Variants in DOT1L observed in about 807,000 individuals in gnomAD.
DOT1L encodes the protein DOT1 like histone lysine methyltransferase, also known as histone-lysine N-methyltransferase, H3 lysine-79 specific.
Under a neutral mutation model 153.3 loss-of-function variants are expected in DOT1L, and 33 were observed. The observed-to-expected ratio is 0.22, with a 90% CI of 0.16 to 0.29. DOT1L has a LOEUF of 0.29. Ranked by LOEUF, DOT1L falls within the 10% of genes least tolerant of loss-of-function variation. The pLI, the probability that DOT1L is intolerant of heterozygous loss-of-function variation, is 1.00. For missense variants in DOT1L, 1,847 were observed against 2,119.9 expected (o/e 0.87, Z 2.53); for synonymous variants, 1,135 against 965.1 (o/e 1.18, Z -3.26).
Position 2,220,220 on chromosome 19 carries a change from C to T in DOT1L, c.2804C>T (p.Ala935Val). 6.2e-7 allele frequency: 1 copy of T among 1,612,292 alleles called. No homozygotes were observed. Among genetic ancestry groups the T allele is most frequent in the Non-Finnish European group, 8.5e-7 (1 of 1,179,436 alleles). Residue 935 changes from alanine to valine, a missense_variant and splice_region_variant, in exon 23 of 28, where the codon GCA becomes GTA. By Grantham distance (64) the Ala-to-Val change is moderately conservative. Coordinates refer to ENST00000398665, the MANE Select transcript of DOT1L (RefSeq NM_032482.3). The surrounding 1 kb of genome is among the most constrained non-coding windows in gnomAD (Gnocchi z 4.5). ...AGSRSLALAP[A>V]GFSYAGSVAI... The stretch of plus-strand genomic sequence containing the variant: ...AGCAGAAGCCTTGCCCTGGCCCCCG[C>T]AGGTAACGCCCCTCCTGTGCCCTAC...
chr19:2,228,469 A>G (rs757018991), intron 27 of DOT1L: 1 of 1,210,022 alleles, frequency 8.3e-7, no homozygotes, highest in East Asian at 5.4e-5. Context: ...GGCTCGGCAG[A>G]AGTTCCGGGG....
rs556823846 is a variant in DOT1L at position 2,229,376 on chromosome 19, A to G, written c.4607-409A>G. ...GCCTTCCTGGGCGAGTCCAAAGCCC[A>G]CCGGGCAAGGAGAGGAGGACTGGGA... On this transcript the variant is annotated intron_variant, in intron 27 of 27. Transcript: ENST00000398665. 3.0e-6 allele frequency: 3 copies of G among 985,448 alleles called. No homozygotes were observed. In the East Asian group the frequency reaches 3.4e-4, roughly 112 times the overall value. 61.0% of individuals were successfully genotyped at this position (985,448 alleles called of 1,614,324 possible). A position where few individuals can be genotyped will look rare whatever the true frequency, so the allele number is the denominator to read the frequency against.
At chr19:2,201,485 T>C (rs1016356584) in intron 8 of DOT1L, among the ~76,000 whole-genome samples, 19 of 152,210 alleles carry the variant, frequency 1.2e-4, no homozygotes, top group Non-Finnish European at 1.6e-4. Flanking sequence ...GTGTCCCCCA[T>C]GGGCAGGGTT....
At position 2,231,335 on chromosome 19, in the gene DOT1L, G is replaced by C. The variant is rs936092475; in HGVS notation, c.*1543G>C. ...CAGGGAGCTGCCAGCCCTGTGTTCT[G>C]GTTCCCAAGGGCAGGATGGACACAC... On this transcript the variant is annotated 3_prime_UTR_variant, in exon 28 of 28. Coordinates refer to ENST00000398665, the MANE Select transcript of DOT1L (RefSeq NM_032482.3). 2 of 213,648 alleles carry C rather than the reference G, an allele frequency of 9.4e-6. No individual in the cohort carries two copies. The allele number at this position is 213,648 out of a possible 1,614,324, so 13.2% of individuals were successfully genotyped here. A position where few individuals can be genotyped will look rare whatever the true frequency, so the allele number is the denominator to read the frequency against.
rs998129478 is a variant in DOT1L at position 2,232,542 on chromosome 19, T to C, written c.*2750T>C. ...CACCCCTGCATTCTGCATCCCCACCTCTAGACGCTGTAATAAACAGACTGT... is the reference window on the plus strand; with the variant it reads ...CACCCCTGCATTCTGCATCCCCACCCCTAGACGCTGTAATAAACAGACTGT... On this transcript the variant is annotated 3_prime_UTR_variant, in exon 28 of 28. Coordinates refer to ENST00000398665, the MANE Select transcript of DOT1L (RefSeq NM_032482.3). 23 of 214,176 alleles carry C rather than the reference T, an allele frequency of 1.1e-4. No individual in the cohort carries two copies. The highest frequency in any genetic ancestry group is 4.3e-4 in the African/African-American group (19 of 44,146). The allele number at this position is 214,176 out of a possible 1,614,324, so 13.3% of individuals were successfully genotyped here.
intron 1 of DOT1L, among the ~76,000 whole-genome samples, chr19:2,168,689 A>C (rs1226388797): frequency 6.6e-6 from 1 of 151,446 alleles, no homozygotes; most frequent in African/African-American, 2.4e-5. Flanking sequence ...ATCTCGGTTC[A>C]CTGCAACATC....
intron 16 of DOT1L, 71 bp from the exon 17 acceptor site, chr19:2,213,468 G>C: frequency 6.8e-7 from 1 of 1,472,818 alleles, no homozygotes; most frequent in Non-Finnish European, 9.4e-7. Context: ...GAGAGGCAGG[G>C]CGTGGGCCCT....
chr19:2,215,742 A>G (rs1329772579), intron 19 of DOT1L: 3 of 152,432 alleles, frequency 2.0e-5, no homozygotes, highest in Non-Finnish European at 2.9e-5. Context: ...CCTCTTTACC[A>G]CAGCCGGGCC....
At chr19:2,228,589 C>T (rs2024469455) in intron 27 of DOT1L, 2 of 985,338 alleles carry the variant, frequency 2.0e-6, no homozygotes, top group Non-Finnish European at 2.4e-6. Context: ...TGTTGGGTTC[C>T]AGCTGCCCGC....
At position 2,226,811 on chromosome 19, in the gene DOT1L, G is replaced by A. The variant is rs987264843; in HGVS notation, c.4290G>A (p.Ala1430=). 7 of 1,579,046 alleles carry A rather than the reference G, an allele frequency of 4.4e-6. No homozygotes were observed. The highest frequency in any genetic ancestry group is 3.4e-6 in the Non-Finnish European group (4 of 1,170,358). The change falls in exon 27 of 28, where the codon GCG becomes GCA. Residue 1430 remains alanine (A), a synonymous_variant. Coordinates refer to ENST00000398665, the MANE Select transcript of DOT1L (RefSeq NM_032482.3). ...LKNGHNLFIS[A]AAVPPGSLLS... ...ATGGCCACAACCTCTTCATCTCTGC[G>A]GCGGCCGTGCCTCCCGGAAGCCTCC... is the stretch of plus-strand genomic sequence containing the variant.
At position 2,216,455 on chromosome 19, in the gene DOT1L, T is replaced by C. The variant is rs764433600; in HGVS notation, c.2098T>C (p.Ser700Pro). The C allele has an allele frequency of 1.2e-6, 2 of 1,612,684 alleles. No homozygotes were observed. The highest frequency in any genetic ancestry group is 2.2e-5 in the South Asian group (2 of 91,082). Residue 700 changes from serine (S) to proline (P), a missense_variant, in exon 20 of 28, where the codon TCG (serine) becomes CCG (proline). Physicochemically the swap from Ser to Pro is moderately conservative, Grantham distance 74. Coordinates refer to ENST00000398665, the MANE Select transcript of DOT1L (RefSeq NM_032482.3). Reference sequence around the variant, plus strand: ...CCTGGAGCTGGACTGCACCAAGTTCTCGCTGCCTCACTTGAGCAGCATGAG... The same window carrying C: ...CCTGGAGCTGGACTGCACCAAGTTCCCGCTGCCTCACTTGAGCAGCATGAG... ...LHLELDCTKF[S>P]LPHLSSMSPE... is the part of the protein sequence containing the mutation.
intron 27 of DOT1L, chr19:2,227,859 T>TCGGCCTCTTCCTTTCAGGCCC: frequency 1.6e-6 from 2 of 1,282,570 alleles, no homozygotes; most frequent in Non-Finnish European, 2.0e-6. Flanking sequence ...GGCCAGCGCC[T>TCGGCCTCTTCCTTTCAGGCCC]CGGCCTCTTC....
In DOT1L at chr19:2,191,322, A is replaced by G. The variant is rs780755488; in HGVS notation, c.493+82A>G. 2 of 1,428,198 alleles carry G rather than the reference A, an allele frequency of 1.4e-6. No homozygotes were observed. The highest frequency in any genetic ancestry group is 4.6e-5 in the East Asian group (2 of 43,786). The allele number at this position is 1,428,198 out of a possible 1,614,324, so 88.5% of individuals were successfully genotyped here. A position where few individuals can be genotyped will look rare whatever the true frequency, so the allele number is the denominator to read the frequency against. ...CCTGCCCCATGCCTGCTTGGAGAAG[A>G]GTTTATCAGGGACTTGCGACGTTGG... On this transcript the variant is annotated intron_variant, in intron 5 of 27. Transcript: ENST00000398665. This position sits in a 1 kb window ranked among gnomAD's most constrained non-coding sequence, Gnocchi z 6.8.
Position 2,191,342 on chromosome 19 carries a change from C to T in DOT1L, c.493+102C>T, listed in dbSNP as rs557460559. The T allele has an allele frequency of 7.3e-6, 9 of 1,225,578 alleles. No individual in the cohort carries two copies. The highest frequency in any genetic ancestry group is 1.5e-5 in the African/African-American group (1 of 67,408). The allele number at this position is 1,225,578 out of a possible 1,614,324, so 75.9% of individuals were successfully genotyped here. ...AGAAGAGTTTATCAGGGACTTGCGACGTTGGCGTGGACAGTGCTTCCTTCT... is the reference window on the plus strand; with the variant it reads ...AGAAGAGTTTATCAGGGACTTGCGATGTTGGCGTGGACAGTGCTTCCTTCT... On this transcript the variant is annotated intron_variant, in intron 5 of 27. Transcript: ENST00000398665. The surrounding 1 kb of genome is among the most constrained non-coding windows in gnomAD (Gnocchi z 6.8).
intron 9 of DOT1L, among the ~76,000 whole-genome samples, chr19:2,203,176 T>C (rs774660292): frequency 2.6e-5 from 4 of 151,748 alleles, no homozygotes; most frequent in Admixed American, 6.6e-5. Flanking sequence ...GATCTCAGCT[T>C]ACCGCAACCT....
rs775691456 is a variant in DOT1L at position 2,189,685 on chromosome 19, G to A, written c.201-47G>A. 87 of 1,601,486 alleles carry A rather than the reference G, an allele frequency of 5.4e-5. 1 individual carries two copies. In the Admixed American group the frequency reaches 1.2e-3, roughly 23 times the overall value. ...ACATGCTGTCCCCTCCCATGCATGC[G>A]GCTGGCTCCTGCCCGCATGACCAGG... On this transcript the variant is annotated intron_variant, in intron 3 of 27. Transcript: ENST00000398665.
chr19:2,181,172 G>A (rs2022213141), intron 2 of DOT1L, among the ~76,000 whole-genome samples: 1 of 152,248 alleles, frequency 6.6e-6, no homozygotes, highest in African/African-American at 2.4e-5. Context: ...GTAAGCTCCA[G>A]CCTGGGCTCC....
Position 2,217,709 on chromosome 19 carries a change from G to A in DOT1L, c.2545-63G>A. On this transcript the variant is annotated intron_variant, in intron 21 of 27. Coordinates refer to ENST00000398665, the MANE Select transcript of DOT1L (RefSeq NM_032482.3). This position sits in a 1 kb window ranked among gnomAD's most constrained non-coding sequence, Gnocchi z 7.3. ...TGTAGCAGGCCCCCGTCCTGTGGCT[G>A]TGGTCCCTGTGTCCTGGAGGGGTTT... 6.5e-7 allele frequency: 1 copy of A among 1,548,550 alleles called. No individual in the cohort carries two copies. The highest frequency in any genetic ancestry group is 8.7e-7 in the Non-Finnish European group (1 of 1,145,812).
In DOT1L at chr19:2,191,254, G is replaced by T; in HGVS notation, c.493+14G>T. 6.2e-7 allele frequency: 1 copy of T among 1,612,164 alleles called. No homozygotes were observed. The highest frequency in any genetic ancestry group is 8.5e-7 in the Non-Finnish European group (1 of 1,178,914). Reference sequence around the variant, plus strand: ...ACTTGGGGAGCGGTGAGTGTCGCCCGCCATGCCCGGCTCCTGTGCACTTCC... The same window carrying T: ...ACTTGGGGAGCGGTGAGTGTCGCCCTCCATGCCCGGCTCCTGTGCACTTCC... On this transcript the variant is annotated intron_variant, in intron 5 of 27. Coordinates refer to ENST00000398665, the MANE Select transcript of DOT1L (RefSeq NM_032482.3). The surrounding 1 kb of genome is among the most constrained non-coding windows in gnomAD (Gnocchi z 6.8).
Sources: allele counts gnomAD v4.1 joint callset (sites outside exome capture counted in the v4.1 genomes callset), GRCh38; gene constraint gnomAD v4.1.1; non-coding constraint Gnocchi (gnomAD v3.1); transcripts MANE v1.5; gene names NCBI Gene and HGNC (gene_info 2026-07-23, HGNC 2026-07-21).